Variants in NBPF8 observed in about 807,000 individuals in gnomAD.
The protein encoded by NBPF8 is NBPF member 8, also known as NBPF family member NBPF8.
At chr1:120,469,476 C>T (rs2101710119), downstream of NBPF8, among the ~76,000 whole-genome samples, 2 of 143,360 alleles carry the variant, frequency 1.4e-5, no homozygotes, top group African/African-American at 5.2e-5. Flanking sequence ...CACCCTGGTG[C>T]TCGGTCACAG....
chr1:120,428,761 C>T (rs1660790112), intron 3 of NBPF8, among the ~76,000 whole-genome samples: 1 of 145,986 alleles, frequency 6.8e-6, no homozygotes, highest in Admixed American at 6.7e-5. Context: ...ACTCTTCAAC[C>T]CATAACTGAG....
upstream of NBPF8, among the ~76,000 whole-genome samples, chr1:120,415,487 T>C (rs1553245020): frequency 1.2e-3 from 175 of 152,062 alleles, 4 homozygotes; most frequent in Non-Finnish European, 3.1e-4. Flanking sequence ...CCTCATCTCT[T>C]GGGCGCTGGG....
chr1:120,419,542 C>A (rs1360487209), upstream of NBPF8, among the ~76,000 whole-genome samples: 2 of 152,162 alleles, frequency 1.3e-5, no homozygotes, highest in African/African-American at 4.8e-5. Flanking sequence ...GCTCACTAAC[C>A]TCTAATTCGA....
At position 120,451,292 on chromosome 1, in the gene NBPF8, C is replaced by A. The variant is rs200190562; in HGVS notation, n.2074+10C>A. ...AAGCTGAGGAGCTCAGGTGAGGGGA[C>A]CCCATGGGGGCAGGCAGGGGGCAGG... On this transcript the variant is annotated intron_variant and non_coding_transcript_variant, in intron 12 of 24. Coordinates refer to ENST00000583271, the Ensembl canonical transcript of NBPF8. 14 of 408,960 alleles carry A rather than the reference C, an allele frequency of 3.4e-5. 5 individuals are homozygous for A. The highest frequency in any genetic ancestry group is 4.6e-5 in the Non-Finnish European group (12 of 261,904). 25.3% of individuals were successfully genotyped at this position (408,960 alleles called of 1,614,324 possible). A position where few individuals can be genotyped will look rare whatever the true frequency, so the allele number is the denominator to read the frequency against.
intron 15 of NBPF8, 66 bp downstream of exon 13, chr1:120,454,180 G>A (rs1661367829): frequency 8.7e-6 from 13 of 1,500,614 alleles, no homozygotes; most frequent in Non-Finnish European, 3.7e-6. Context: ...TCTGAAGACA[G>A]GCTCTATAAA....
upstream of NBPF8, among the ~76,000 whole-genome samples, chr1:120,419,492 T>A (rs1373142211): frequency 1.3e-5 from 2 of 151,518 alleles, no homozygotes; most frequent in Admixed American, 6.6e-5. Flanking sequence ...GACTCTTTAT[T>A]TTTTTTTCCC....
At chr1:120,450,240 T>C (rs1661226942) in intron 11 of NBPF8, among the ~76,000 whole-genome samples, 2 of 151,848 alleles carry the variant, frequency 1.3e-5, no homozygotes, top group African/African-American at 4.8e-5. Context: ...ATAATAATAA[T>C]AATGATAAAT....
At chr1:120,428,667 ACT>A (rs1253569378) in intron 3 of NBPF8, among the ~76,000 whole-genome samples, 29 of 151,752 alleles carry the variant, frequency 1.9e-4, no homozygotes, top group Admixed American at 1.9e-3. Flanking sequence ...GCTGCCCCTG[ACT>A]CTGGGGCCAT....
upstream of NBPF8, among the ~76,000 whole-genome samples, chr1:120,418,119 T>A (rs1660476948): frequency 2.5e-5 from 1 of 39,384 alleles, no homozygotes; most frequent in East Asian, 4.4e-4. Flanking sequence ...AAATAATAAA[T>A]AAATGAGTAA....
chr1:120,417,030 A>T, upstream of NBPF8, among the ~76,000 whole-genome samples: 1 of 122,256 alleles, frequency 8.2e-6, no homozygotes, highest in Non-Finnish European at 1.7e-5. Context: ...GATTTGTAAT[A>T]CTTTTTTCCG....
exon 21 of NBPF8, chr1:120,462,951 G>C: frequency 2.0e-6 from 1 of 494,932 alleles, no homozygotes. Flanking sequence ...CCTTGGCTTG[G>C]CTCTTGACGT....
intron 13 of NBPF8, among the ~76,000 whole-genome samples, chr1:120,452,640 T>G (rs1661314298): frequency 6.6e-6 from 1 of 152,384 alleles, no homozygotes; most frequent in Non-Finnish European, 1.5e-5. Flanking sequence ...TGAAAAGAGC[T>G]CTGGACTAAG....
At chr1:120,415,187 G>T (rs1267553788), upstream of NBPF8, among the ~76,000 whole-genome samples, 1 of 152,202 alleles carries the variant, frequency 6.6e-6, no homozygotes, top group African/African-American at 2.4e-5. Flanking sequence ...GGCGACCTGT[G>T]GCGCCAGGAG....
chr1:120,436,360 T>C (rs1661076227), exon 1 of NBPF8: 1 of 1,548,308 alleles, frequency 6.5e-7, no homozygotes, highest in Non-Finnish European at 8.7e-7. Flanking sequence ...TAAAGTGCTG[T>C]GGGAGTGATC....
chr1:120,460,480 T>C (rs1303032367), intron 17 of NBPF8, 93 bp from the exon 16 acceptor site: 4 of 819,610 alleles, frequency 4.9e-6, no homozygotes, highest in Non-Finnish European at 6.4e-6. Context: ...TTGACAAGAC[T>C]GATGTCCCTG....
At chr1:120,460,897 A>G (rs1661565950) in intron 18 of NBPF8, among the ~76,000 whole-genome samples, 2 of 151,872 alleles carry the variant, frequency 1.3e-5, no homozygotes, top group Admixed American at 6.6e-5. Context: ...ATTTTATGCA[A>G]AATTATTGAG....
At chr1:120,418,474 G>T (rs1281675463), upstream of NBPF8, among the ~76,000 whole-genome samples, 12 of 145,348 alleles carry the variant, frequency 8.3e-5, no homozygotes, top group Non-Finnish European at 1.8e-4. Flanking sequence ...CTAAATAAGC[G>T]TTAAGCCATT....
intron 15 of NBPF8, among the ~76,000 whole-genome samples, chr1:120,454,424 T>A (rs1391815995): frequency 1.3e-5 from 2 of 151,842 alleles, no homozygotes; most frequent in African/African-American, 4.8e-5. Context: ...GATTAAGTCA[T>A]CTGTCCCTGA....
At chr1:120,451,848 T>C (rs1553248860) in intron 12 of NBPF8, among the ~76,000 whole-genome samples, 5 of 150,782 alleles carry the variant, frequency 3.3e-5, no homozygotes, top group Admixed American at 2.0e-4. Flanking sequence ...CTTTTTGAAA[T>C]GGAATTAGGA....
Sources: gnomAD v4.1 joint callset for allele counts (sites outside exome capture counted in the v4.1 genomes callset) on GRCh38, gnomAD v4.1.1 for gene constraint, MANE v1.5 for transcripts, NCBI Gene and HGNC (gene_info 2026-07-23, HGNC 2026-07-21) for gene names.